The following NRG1 variants were observed in gnomAD, a reference collection of about 807,000 sequenced individuals.
The protein encoded by NRG1 is neuregulin 1.
In NRG1, 18 loss-of-function variants were observed where a neutral mutation model predicts 63.8. The observed-to-expected ratio is 0.28, with a 90% CI of 0.19 to 0.42. NRG1 has a LOEUF of 0.42. NRG1 is among the 10% of genes least tolerant of loss of function. NRG1 has a pLI of 1.00. For synonymous variants in NRG1, 302 were observed against 301.3 expected (o/e 1.00, Z -0.02); for missense variants, 762 against 814.7 (o/e 0.94, Z 0.79).
At chr8:32,571,668 A>T (rs1003399683) in intron 1 of NRG1, among the ~76,000 whole-genome samples, 1 of 151,636 alleles carries the variant, frequency 6.6e-6, no homozygotes, top group Non-Finnish European at 1.5e-5. Flanking sequence ...AAACACCTCC[A>T]TTCCTCTTGC....
In NRG1 at chr8:32,115,931, C is replaced by A. The variant is rs370969340; in HGVS notation, c.37+476500C>A. Among the ~76,000 whole-genome samples, 17 of 152,244 alleles carry A rather than the reference C, an allele frequency of 1.1e-4. 1 individual carries two copies. Among genetic ancestry groups the A allele is most frequent in the African/African-American group, 3.6e-4 (15 of 41,566 alleles). ...TTTGCATTCTAATTTTATCATTAAC[C>A]AATCTGACTGATGGGGCAAATCAAC... is the stretch of plus-strand genomic sequence containing the variant. On this transcript the variant is annotated intron_variant, in intron 1 of 10. Transcript: ENST00000519301.
chr8:32,563,940 T>C (rs1563656759), intron 1 of NRG1, among the ~76,000 whole-genome samples: 1 of 152,150 alleles, frequency 6.6e-6, no homozygotes. Context: ...TCTTAAACTT[T>C]CTATTACTAA....
chr8:32,224,302 T>C (rs377601469), intron 1 of NRG1, among the ~76,000 whole-genome samples: 6 of 152,118 alleles, frequency 3.9e-5, no homozygotes, highest in Non-Finnish European at 8.8e-5. Context: ...TGTACTCTTG[T>C]AGTAACAGGA....
intron 1 of NRG1, among the ~76,000 whole-genome samples, chr8:31,780,717 AT>A (rs1819601511): frequency 6.6e-6 from 1 of 152,200 alleles, no homozygotes; most frequent in East Asian, 1.9e-4. Context: ...GTGAACAAAT[AT>A]TGGAGCAAAT....
At chr8:32,547,402 G>A (rs181076220), upstream of NRG1, among the ~76,000 whole-genome samples, 11 of 152,090 alleles carry the variant, frequency 7.2e-5, no homozygotes, top group Non-Finnish European at 1.5e-5. Context: ...TTTTCCACTC[G>A]GCAGAACTGA....
chr8:32,700,451 C>A (rs558887737), intron 5 of NRG1, among the ~76,000 whole-genome samples: 1 of 152,182 alleles, frequency 6.6e-6, no homozygotes, highest in Non-Finnish European at 1.5e-5. Context: ...AATACTTTTC[C>A]TTGAGTGTAA....
rs572043418 is a variant in NRG1 at position 32,351,790 on chromosome 8, G to A, written c.38-244038G>A. ...CTTCTACCATGACTTCTGAGAAAGTGGTATTTTTTACCACAGTGAACTTGG... is the reference window on the plus strand; with the variant it reads ...CTTCTACCATGACTTCTGAGAAAGTAGTATTTTTTACCACAGTGAACTTGG... On this transcript the variant is annotated intron_variant, in intron 1 of 10. Transcript: ENST00000519301. Among the ~76,000 whole-genome samples, 64 of 152,300 alleles carry A rather than the reference G, an allele frequency of 4.2e-4. 1 individual carries two copies. Among genetic ancestry groups the A allele is most frequent in the African/African-American group, 1.5e-3 (64 of 41,566 alleles).
intron 1 of NRG1, among the ~76,000 whole-genome samples, chr8:31,733,446 G>T (rs1247491841): frequency 6.6e-6 from 1 of 152,124 alleles, no homozygotes; most frequent in Non-Finnish European, 1.5e-5. Flanking sequence ...GAATAAAATG[G>T]AGACATTTTA....
intron 1 of NRG1, among the ~76,000 whole-genome samples, chr8:32,458,387 G>A (rs1317705368): frequency 2.0e-5 from 3 of 152,028 alleles, no homozygotes; most frequent in South Asian, 2.1e-4. Flanking sequence ...TTTTTCTCTG[G>A]CCTTATGTAG....
At chr8:32,343,459 G>C (rs1052687538) in intron 1 of NRG1, among the ~76,000 whole-genome samples, 2 of 152,152 alleles carry the variant, frequency 1.3e-5, no homozygotes, top group African/African-American at 4.8e-5. Flanking sequence ...AATTTAAATA[G>C]TACTCCAGTT....
At chr8:31,968,118 A>G (rs752175064) in intron 1 of NRG1, among the ~76,000 whole-genome samples, 9 of 152,264 alleles carry the variant, frequency 5.9e-5, no homozygotes, top group Non-Finnish European at 8.8e-5. Context: ...AAGGAATTTC[A>G]AAATGTTCAA....
At chr8:32,724,482 T>TA (rs1176929717) in intron 5 of NRG1, among the ~76,000 whole-genome samples, 5 of 152,166 alleles carry the variant, frequency 3.3e-5, no homozygotes, top group South Asian at 2.1e-4. Flanking sequence ...CTGGTTGAAT[T>TA]ACCAAATGGA....
intron 1 of NRG1, among the ~76,000 whole-genome samples, chr8:32,311,225 A>G (rs1008143526): frequency 2.6e-4 from 40 of 152,186 alleles, no homozygotes; most frequent in Admixed American, 2.5e-3. Context: ...GGTGAACAAG[A>G]CAGATAAGAT....
chr8:32,225,604 A>G (rs1374734532), intron 1 of NRG1, among the ~76,000 whole-genome samples: 9 of 152,170 alleles, frequency 5.9e-5, no homozygotes, highest in Non-Finnish European at 7.3e-5. Context: ...GCTATATGTG[A>G]TATATGCAAT....
At chr8:32,196,637 G>A (rs1178784561) in intron 1 of NRG1, among the ~76,000 whole-genome samples, 1 of 152,138 alleles carries the variant, frequency 6.6e-6, no homozygotes, top group East Asian at 1.9e-4. Context: ...GTTTCCAAAT[G>A]ATGGATGCCA....
intron 1 of NRG1, among the ~76,000 whole-genome samples, chr8:32,312,363 C>T (rs1430595972): frequency 4.9e-5 from 5 of 101,434 alleles, no homozygotes; most frequent in East Asian, 2.7e-4. Flanking sequence ...TTAGTAGAGA[C>T]GGGATTTCAC....
At chr8:32,039,307 G>A (rs965247570) in intron 1 of NRG1, among the ~76,000 whole-genome samples, 5 of 152,244 alleles carry the variant, frequency 3.3e-5, no homozygotes, top group South Asian at 2.1e-4. Context: ...GTTAGCCTGC[G>A]ATTGTTATTC....
At chr8:32,512,300 A>C (rs1032738641) in intron 1 of NRG1, among the ~76,000 whole-genome samples, 2 of 152,246 alleles carry the variant, frequency 1.3e-5, no homozygotes, top group Non-Finnish European at 2.9e-5. Context: ...AAAGGCTTTG[A>C]CATCAGCTAT....
chr8:32,552,790 C>G (rs1294683239), intron 1 of NRG1, among the ~76,000 whole-genome samples: 1 of 151,998 alleles, frequency 6.6e-6, no homozygotes, highest in South Asian at 2.1e-4. Context: ...TTCTCATACC[C>G]ATGAAATGGT....
Sources: gnomAD v4.1 joint callset for allele counts (sites outside exome capture counted in the v4.1 genomes callset) on GRCh38, gnomAD v4.1.1 for gene constraint, MANE v1.5 for transcripts, NCBI Gene and HGNC (gene_info 2026-07-23, HGNC 2026-07-21) for gene names.